Variants in XPNPEP1 observed in about 807,000 individuals in gnomAD.
XPNPEP1 encodes the protein xaa-Pro aminopeptidase 1.
Under a neutral mutation model 92.4 loss-of-function variants are expected in XPNPEP1, and 39 were observed. The ratio of observed to expected loss-of-function variants is 0.42; its 90% CI spans 0.33 to 0.55. The LOEUF is 0.55. Ranked by LOEUF, XPNPEP1 falls within the 20% of genes least tolerant of loss-of-function variation. The pLI is 0.08. For missense variants in XPNPEP1, 654 were observed against 856.1 expected (o/e 0.76, Z 2.95); for synonymous variants, 307 against 299.4 (o/e 1.03, Z -0.26).
intron 2 of XPNPEP1, among the ~76,000 whole-genome samples, chr10:109,913,968 A>G (rs1850027071): frequency 6.6e-6 from 1 of 152,140 alleles, no homozygotes; most frequent in South Asian, 2.1e-4. Context: ...GGATACATCT[A>G]TATTTTTTAA....
At chr10:109,917,173 T>C (rs879245039) in intron 1 of XPNPEP1, among the ~76,000 whole-genome samples, 1 of 151,966 alleles carries the variant, frequency 6.6e-6, no homozygotes, top group Non-Finnish European at 1.5e-5. Context: ...GGCATCCAGT[T>C]TAGAAAAGAA....
intron 20 of XPNPEP1, 35 bp downstream of exon 20, chr10:109,868,579 A>C (rs1847271843): frequency 1.3e-6 from 2 of 1,536,422 alleles, no homozygotes; most frequent in Non-Finnish European, 9.0e-7. Flanking sequence ...CACCTCCCCT[A>C]GTAACATGCC....
intron 2 of XPNPEP1, among the ~76,000 whole-genome samples, chr10:109,909,630 T>C (rs1444101468): frequency 6.6e-6 from 1 of 152,174 alleles, no homozygotes; most frequent in African/African-American, 2.4e-5. Context: ...CTGATAAACA[T>C]CATAGCTGTA....
chr10:109,910,483 G>A (rs1349926690), intron 2 of XPNPEP1, among the ~76,000 whole-genome samples: 2 of 151,588 alleles, frequency 1.3e-5, no homozygotes, highest in Non-Finnish European at 2.9e-5. Context: ...AGCAGAGGTT[G>A]TGGTGAGCCG....
chr10:109,915,225 T>C, intron 1 of XPNPEP1, 126 bp from the exon 2 acceptor site: 1 of 447,904 alleles, frequency 2.2e-6, no homozygotes, highest in Non-Finnish European at 3.9e-6. Context: ...TTCACCCCCA[T>C]TATCAGTGGC....
chr10:109,907,784 C>T lies in XPNPEP1; in HGVS notation c.153G>A (p.Glu51=), dbSNP rs1010737315. Residue 51 remains glutamate (E), a synonymous_variant, in exon 3 of 21, where the codon GAG becomes GAA. Coordinates refer to ENST00000502935, the MANE Select transcript of XPNPEP1 (RefSeq NM_020383.4). ...DGRMPPKVTS[E]LLRQLRQAMR... ...TGGCTTGTCTCAGCTGCCGAAGCAG[C>T]TCTGAAGTCACCTTTGGAGGCATTC... The T allele has an allele frequency of 1.9e-6, 3 of 1,614,222 alleles. No homozygotes were observed. The highest frequency in any genetic ancestry group is 1.7e-5 in the Admixed American group (1 of 60,028).
At position 109,867,335 on chromosome 10, in the gene XPNPEP1, C is replaced by CA. The variant is rs538018672; in HGVS notation, c.1872+1278dup. ...CTTCCTGCTGAAGAGACACACCAGA[C>CA]ATTGTGCTGATAGGCTGAGTTTCCT... On this transcript the variant is annotated intron_variant, in intron 20 of 20. Transcript: ENST00000502935. This position sits in a 1 kb window ranked among gnomAD's most constrained non-coding sequence, Gnocchi z 4.5. Among the ~76,000 whole-genome samples, 53 of 152,370 alleles carry CA rather than the reference C, an allele frequency of 3.5e-4. No individual in the cohort carries two copies. The South Asian group carries it at 0.01, about 29-fold the overall frequency.
At chr10:109,886,497 AG>A (rs1848398234) in intron 7 of XPNPEP1, among the ~76,000 whole-genome samples, 156 bp from the exon 8 acceptor site, 1 of 152,206 alleles carries the variant, frequency 6.6e-6, no homozygotes, top group African/African-American at 2.4e-5. Flanking sequence ...GCCCTATACA[AG>A]AAGTGTCCAA....
chr10:109,874,325 T>C (rs1468501276), intron 15 of XPNPEP1, among the ~76,000 whole-genome samples: 3 of 152,176 alleles, frequency 2.0e-5, no homozygotes, highest in Admixed American at 2.0e-4. Context: ...AGCCCATCTC[T>C]AGCAAAAGAG....
chr10:109,884,183 G>T (rs775647142), intron 8 of XPNPEP1, 35 bp from the exon 9 acceptor site: 58 of 1,604,652 alleles, frequency 3.6e-5, no homozygotes, highest in Non-Finnish European at 4.6e-5. Context: ...TCACCTGTCT[G>T]ACTTAAGATG....
intron 14 of XPNPEP1, chr10:109,877,293 C>T (rs1847836736): frequency 6.5e-6 from 1 of 155,022 alleles, no homozygotes. Context: ...TCAAGATCCT[C>T]ATCTCTACAA....
intron 2 of XPNPEP1, 56 bp downstream of exon 2, chr10:109,914,955 T>G: frequency 8.6e-6 from 10 of 1,167,378 alleles, no homozygotes; most frequent in East Asian, 2.7e-5. Context: ...GGGGTTGGGG[T>G]GGAGATCTAA....
At chr10:109,879,206 C>A (rs193128104) in intron 12 of XPNPEP1, among the ~76,000 whole-genome samples, 7 of 151,776 alleles carry the variant, frequency 4.6e-5, no homozygotes, top group African/African-American at 1.7e-4. Context: ...CGCTCCACTG[C>A]ACTCCAGCCT....
At chr10:109,922,104 G>A (rs1055969985) in intron 1 of XPNPEP1, among the ~76,000 whole-genome samples, 7 of 152,180 alleles carry the variant, frequency 4.6e-5, no homozygotes, top group Non-Finnish European at 1.0e-4. Context: ...ATCAATTTGA[G>A]TTCAGTTTCC....
rs994008340 is a variant in XPNPEP1, at chr10:109,888,657, G to A, written c.416-62C>T. 6.7e-6 allele frequency: 9 copies of A among 1,335,600 alleles called. No individual in the cohort carries two copies. The African/African-American group carries it at 1.0e-4, about 15-fold the overall frequency. The allele number at this position is 1,335,600 out of a possible 1,614,324, so 82.7% of individuals were successfully genotyped here. On this transcript the variant is annotated intron_variant, in intron 5 of 20. Transcript: ENST00000502935. ...TGGGCCCACGCTCATTATCCCACCA[G>A]AAAGATACAATTCTCTAACATCATG... is the stretch of plus-strand genomic sequence containing the variant.
intron 10 of XPNPEP1, 65 bp from the exon 11 acceptor site, chr10:109,880,996 A>C: frequency 6.7e-7 from 1 of 1,485,818 alleles, no homozygotes. Flanking sequence ...CCAAGGCAAC[A>C]ACCTTTTTGC....
At chr10:109,886,676 TG>T (rs1168955018) in intron 7 of XPNPEP1, among the ~76,000 whole-genome samples, 1 of 140,530 alleles carries the variant, frequency 7.1e-6, no homozygotes, top group African/African-American at 2.5e-5. Context: ...CCTGTCTTCA[TG>T]GGGCTTACAA....
intron 3 of XPNPEP1, 90 bp downstream of exon 3, chr10:109,907,601 G>GT: frequency 6.4e-7 from 1 of 1,572,768 alleles, no homozygotes; most frequent in Non-Finnish European, 8.6e-7. Flanking sequence ...TGTGGCCCTG[G>GT]TTGTGGGTTG....
Position 109,868,406 on chromosome 10 carries a change from A to T in XPNPEP1, c.1872+208T>A, listed in dbSNP as rs144365640. On this transcript the variant is annotated intron_variant, in intron 20 of 20. Coordinates refer to ENST00000502935, the MANE Select transcript of XPNPEP1 (RefSeq NM_020383.4). ...GGCTGCGGGAAACAGGACTATCTCC[A>T]CCTGGAGGCCCAACAAATACAGGAA... Among the ~76,000 whole-genome samples, 9 of 152,030 alleles carry T rather than the reference A, an allele frequency of 5.9e-5. No individual in the cohort carries two copies. In the East Asian group the frequency reaches 1.7e-3, roughly 29 times the overall value.
Sources: allele counts gnomAD v4.1 joint callset (sites outside exome capture counted in the v4.1 genomes callset), GRCh38; gene constraint gnomAD v4.1.1; non-coding constraint Gnocchi (gnomAD v3.1); transcripts MANE v1.5; gene names NCBI Gene and HGNC (gene_info 2026-07-23, HGNC 2026-07-21).